SNTG2: variants seen among roughly 807,000 people sequenced by gnomAD.
The protein encoded by SNTG2 is gamma-2-syntrophin.
A neutral mutation model predicts 70.9 loss-of-function variants in SNTG2; 74 were observed. The ratio of observed to expected loss-of-function variants is 1.04; its 90% CI spans 0.86 to 1.27. The LOEUF (loss-of-function observed/expected upper bound fraction) is 1.27, where lower values mean the gene tolerates loss of function less well. Ranked by LOEUF, SNTG2 falls within the 50% of genes most tolerant of loss-of-function variation. The probability of loss-of-function intolerance (pLI) is 0.00; values close to 1 mark genes in which losing one functional copy is unlikely to be tolerated. For synonymous variants in SNTG2, 278 were observed against 273.8 expected, an observed-to-expected ratio of 1.02 and a Z score of -0.15; for missense variants, 717 against 690.7, an observed-to-expected ratio of 1.04 and a Z score of -0.43.
intron 1 of SNTG2, among the ~76,000 whole-genome samples, chr2:1,051,393 A>G (rs183273993): frequency 2.0e-5 from 3 of 152,198 alleles, no homozygotes; most frequent in African/African-American, 7.2e-5. Flanking sequence ...AAGCTCTCTT[A>G]TTAAAAGGCT....
intron 8 of SNTG2, among the ~76,000 whole-genome samples, chr2:1,206,089 T>C (rs1673615724): frequency 6.6e-6 from 1 of 152,314 alleles, no homozygotes; most frequent in Non-Finnish European, 1.5e-5. Flanking sequence ...AGCTGACAGG[T>C]ACAAGCTATA....
chr2:1,218,328 A>C (rs1017966312), intron 9 of SNTG2, among the ~76,000 whole-genome samples: 2 of 152,192 alleles, frequency 1.3e-5, no homozygotes, highest in Non-Finnish European at 2.9e-5. Flanking sequence ...GTTTCTGTTG[A>C]TTGAATAACT....
At chr2:1,354,722 A>C (rs4927598) in intron 16 of SNTG2, among the ~76,000 whole-genome samples, 439 of 13,214 alleles carry the variant, frequency 0.033, 12 homozygotes, top group East Asian at 0.18. Flanking sequence ...AGAGCGGCTG[A>C]CTGAGTTCCC....
intron 15 of SNTG2, among the ~76,000 whole-genome samples, chr2:1,309,269 T>A (rs1680861968): frequency 1.3e-5 from 2 of 152,242 alleles, no homozygotes; most frequent in Admixed American, 1.3e-4. Flanking sequence ...GAGCCCCGTT[T>A]GTTATCTCAT....
intron 1 of SNTG2, among the ~76,000 whole-genome samples, chr2:961,236 T>A (rs974776515): frequency 3.3e-5 from 5 of 152,238 alleles, no homozygotes; most frequent in African/African-American, 1.2e-4. Context: ...AGACGGTGTC[T>A]TGCTCTGTTA....
At position 951,085 on chromosome 2, in the gene SNTG2, A is replaced by G; in HGVS notation, c.72+17A>G. 8.1e-7 allele frequency: 1 copy of G among 1,234,852 alleles called. No homozygotes were observed. Among genetic ancestry groups the G allele is most frequent in the South Asian group, 3.9e-5 (1 of 25,968 alleles). The allele number at this position is 1,234,852 out of a possible 1,614,324, so 76.5% of individuals were successfully genotyped here. On this transcript the variant is annotated intron_variant, in intron 1 of 16. Transcript: ENST00000308624. Reference sequence around the variant, plus strand: ...CCTGCGCGGGTGAGTGCGGCCCCTCAGCGCCCCTTCACCTCCGGCCCCCCT... The same window carrying G: ...CCTGCGCGGGTGAGTGCGGCCCCTCGGCGCCCCTTCACCTCCGGCCCCCCT...
At chr2:1,016,296 C>G (rs533282271) in intron 1 of SNTG2, among the ~76,000 whole-genome samples, 1 of 152,320 alleles carries the variant, frequency 6.6e-6, no homozygotes, top group Non-Finnish European at 1.5e-5. Flanking sequence ...GGCTGGAGTT[C>G]AGTGGCGTGA....
chr2:967,191 A>AAAAG (rs950647353), intron 1 of SNTG2, among the ~76,000 whole-genome samples: 1 of 152,178 alleles, frequency 6.6e-6, no homozygotes, highest in Non-Finnish European at 1.5e-5. Context: ...TTTCTCTTTT[A>AAAAG]GCAACTGGTA....
chr2:1,043,383 T>G (rs2148062084), intron 1 of SNTG2, among the ~76,000 whole-genome samples: 1 of 152,326 alleles, frequency 6.6e-6, no homozygotes, highest in South Asian at 2.1e-4. Flanking sequence ...TTTACTCTGT[T>G]GATAGTTTCT....
At chr2:1,092,192 A>G (rs993484208) in intron 2 of SNTG2, among the ~76,000 whole-genome samples, 14 of 152,188 alleles carry the variant, frequency 9.2e-5, no homozygotes, top group African/African-American at 3.1e-4. Flanking sequence ...AATACTTCAG[A>G]ATTGTTTTTC....
At chr2:1,141,330 C>T (rs188725875) in intron 6 of SNTG2, among the ~76,000 whole-genome samples, 26 of 152,272 alleles carry the variant, frequency 1.7e-4, no homozygotes, top group African/African-American at 4.6e-4. Context: ...GCTTCGGTGC[C>T]GGAACACAAA....
chr2:987,776 C>T (rs1014175432), intron 1 of SNTG2, among the ~76,000 whole-genome samples: 3 of 152,172 alleles, frequency 2.0e-5, no homozygotes, highest in East Asian at 1.9e-4. Context: ...ATGGGGCCTC[C>T]GCAGATGAAG....
At chr2:1,212,523 A>G (rs541974539) in intron 9 of SNTG2, among the ~76,000 whole-genome samples, 22 of 152,226 alleles carry the variant, frequency 1.4e-4, no homozygotes, top group Non-Finnish European at 3.1e-4. Flanking sequence ...AATTTTTCAT[A>G]AGACAAGAAT....
rs1186543775 is a variant in SNTG2, at chr2:1,042,390, T to C, written c.73-41128T>C. 2.6e-5 allele frequency among the ~76,000 whole-genome samples: 4 copies of C among 152,168 alleles called. No homozygotes were observed. In the East Asian group the frequency reaches 7.7e-4, roughly 29 times the overall value. ...TTTCTTTTCTTTCCAACTTTTGTTT[T>C]AGGTTCGGGGGTACACGTGCAGGTA... is the stretch of plus-strand genomic sequence containing the variant. On this transcript the variant is annotated intron_variant, in intron 1 of 16. Coordinates refer to ENST00000308624, the MANE Select transcript of SNTG2 (RefSeq NM_018968.4).
In SNTG2 at chr2:1,300,042, A is replaced by G. The variant is rs557978136; in HGVS notation, c.1285-8452A>G. On this transcript the variant is annotated intron_variant, in intron 14 of 16. Coordinates refer to ENST00000308624, the MANE Select transcript of SNTG2 (RefSeq NM_018968.4). ...TGCCTCAAACGAGGGCACTGTTACC[A>G]TCACCGCTCTGAAGGGCGTGCAAGA... Among the ~76,000 whole-genome samples the G allele has an allele frequency of 8.6e-5, 13 of 151,470 alleles. 1 individual carries two copies. In the South Asian group the frequency reaches 2.7e-3, roughly 32 times the overall value.
At chr2:991,785 A>C (rs1661503056) in intron 1 of SNTG2, among the ~76,000 whole-genome samples, 1 of 152,210 alleles carries the variant, frequency 6.6e-6, no homozygotes, top group Non-Finnish European at 1.5e-5. Context: ...ACCAGGCAGC[A>C]GTGGTGACAG....
chr2:985,975 A>G (rs944418743), intron 1 of SNTG2, among the ~76,000 whole-genome samples: 5 of 152,092 alleles, frequency 3.3e-5, no homozygotes, highest in African/African-American at 1.2e-4. Flanking sequence ...TTTTCTGAGA[A>G]GCAAAGCTCA....
At chr2:1,252,012 G>A (rs1017979328) in intron 12 of SNTG2, among the ~76,000 whole-genome samples, 2 of 152,198 alleles carry the variant, frequency 1.3e-5, no homozygotes, top group African/African-American at 2.4e-5. Context: ...TTTTTGAGTA[G>A]AGTTAGATCC....
intron 8 of SNTG2, among the ~76,000 whole-genome samples, chr2:1,193,003 C>T (rs1006782729): frequency 1.3e-5 from 2 of 152,222 alleles, no homozygotes; most frequent in Admixed American, 6.5e-5. Flanking sequence ...GAAAGGCTCA[C>T]AGAGGCCATG....
Sources: allele counts gnomAD v4.1 joint callset (sites outside exome capture counted in the v4.1 genomes callset), GRCh38; gene constraint gnomAD v4.1.1; transcripts MANE v1.5; gene names NCBI Gene and HGNC (gene_info 2026-07-23, HGNC 2026-07-21).